The following CTNNA1 variants were observed in gnomAD, a reference collection of about 807,000 sequenced individuals.
CTNNA1 encodes catenin alpha 1.
A neutral mutation model predicts 98.4 loss-of-function variants in CTNNA1; 37 were observed. That is an observed-to-expected ratio of 0.38 (90% CI 0.29 to 0.49). The LOEUF is 0.49. CTNNA1 is among the 20% of genes least tolerant of loss of function. The probability of loss-of-function intolerance (pLI) is 0.95; values close to 1 mark genes in which losing one functional copy is unlikely to be tolerated. For missense variants in CTNNA1, 761 were observed against 1,147.2 expected, an observed-to-expected ratio of 0.66 and a Z score of 4.86; for synonymous variants, 404 against 413.2, an observed-to-expected ratio of 0.98 and a Z score of 0.27.
chr5:138,886,955 A>G (rs1037817489), intron 8 of CTNNA1, among the ~76,000 whole-genome samples: 4 of 152,158 alleles, frequency 2.6e-5, no homozygotes, highest in Admixed American at 6.5e-5. Flanking sequence ...TGTCTGATAT[A>G]AAACAAAATT....
chr5:138,784,279 T>C (rs1755441343), intron 3 of CTNNA1, among the ~76,000 whole-genome samples: 1 of 152,240 alleles, frequency 6.6e-6, no homozygotes. Flanking sequence ...TTTTAGGTTA[T>C]TGGATATCAG....
intron 1 of CTNNA1, among the ~76,000 whole-genome samples, chr5:138,781,021 C>G (rs1417008076): frequency 6.6e-6 from 1 of 152,186 alleles, no homozygotes; most frequent in Non-Finnish European, 1.5e-5. Flanking sequence ...GACACTGATA[C>G]AGTGATATTT....
At chr5:138,806,605 C>T (rs1008870103) in intron 3 of CTNNA1, among the ~76,000 whole-genome samples, 2 of 152,082 alleles carry the variant, frequency 1.3e-5, no homozygotes, top group Admixed American at 1.3e-4. Context: ...ATCCTCTTTA[C>T]TTTGACTTCA....
chr5:138,900,560 A>G (rs111452342), intron 9 of CTNNA1, among the ~76,000 whole-genome samples: 1 of 152,226 alleles, frequency 6.6e-6, no homozygotes, highest in East Asian at 1.9e-4. Context: ...AGAGAAAAAT[A>G]GTCATTATGG....
intron 7 of CTNNA1, 30 bp from the exon 8 acceptor site, chr5:138,886,182 A>G: frequency 6.2e-7 from 1 of 1,603,112 alleles, no homozygotes; most frequent in Non-Finnish European, 8.5e-7. Context: ...GTAAATGAAT[A>G]AAATGCTCAT....
At chr5:138,759,983 T>C (rs1042767467) in intron 1 of CTNNA1, among the ~76,000 whole-genome samples, 2 of 113,766 alleles carry the variant, frequency 1.8e-5, no homozygotes, top group African/African-American at 8.5e-5. Context: ...TTCTTTCCTT[T>C]TTTTTTTTTT....
chr5:138,778,208 A>T (rs190613523), intron 1 of CTNNA1, among the ~76,000 whole-genome samples: 19 of 151,742 alleles, frequency 1.3e-4, no homozygotes, highest in Non-Finnish European at 2.1e-4. Flanking sequence ...GTTGACCAGG[A>T]TGGTTTCGAT....
intron 1 of CTNNA1, among the ~76,000 whole-genome samples, chr5:138,757,317 C>T (rs947341658): frequency 1.3e-5 from 2 of 151,962 alleles, no homozygotes; most frequent in African/African-American, 4.8e-5. Context: ...GTACAGAGTT[C>T]GGTTTGGGAA....
intron 7 of CTNNA1, among the ~76,000 whole-genome samples, chr5:138,877,414 G>T (rs1273930056): frequency 6.6e-6 from 1 of 151,520 alleles, no homozygotes; most frequent in Non-Finnish European, 1.5e-5. Context: ...AAGGACAGTA[G>T]TCTCATAGGA....
intron 3 of CTNNA1, among the ~76,000 whole-genome samples, chr5:138,804,700 G>C (rs1265459653): frequency 6.6e-6 from 1 of 150,488 alleles, no homozygotes; most frequent in Non-Finnish European, 1.5e-5. Flanking sequence ...TAGATGTTTG[G>C]GTTCTTTCTG....
chr5:138,876,598 G>A (rs2149953859), intron 7 of CTNNA1, among the ~76,000 whole-genome samples: 1 of 152,274 alleles, frequency 6.6e-6, no homozygotes, highest in East Asian at 1.9e-4. Context: ...CATATCATTG[G>A]CACTTACCCT....
rs556163896 is a variant in CTNNA1, at chr5:138,805,900, G to T, written c.302-4138G>T. Among the ~76,000 whole-genome samples, 8 of 151,478 alleles carry T rather than the reference G, an allele frequency of 5.3e-5. No individual in the cohort carries two copies. In the South Asian group the frequency reaches 1.7e-3, roughly 32 times the overall value. ...GCACAAAATTTTAAATTTTTTTGAT[G>T]ATGTCAAACTTACCTGTTTTTTGTT... is the stretch of plus-strand genomic sequence containing the variant. On this transcript the variant is annotated intron_variant, in intron 3 of 17. Coordinates refer to ENST00000302763, the MANE Select transcript of CTNNA1 (RefSeq NM_001903.5).
chr5:138,919,830 A>T (rs1762537297), intron 11 of CTNNA1, among the ~76,000 whole-genome samples: 1 of 152,192 alleles, frequency 6.6e-6, no homozygotes. Context: ...GCCTTTCTTC[A>T]TAACTCCTCT....
chr5:138,812,157 GT>G (rs2149736338), intron 4 of CTNNA1, 25 bp from the exon 5 acceptor site: 3 of 1,605,390 alleles, frequency 1.9e-6, no homozygotes, highest in Non-Finnish European at 2.5e-6. Flanking sequence ...GAATTTTTGG[GT>G]TTTGGGGTCT....
chr5:138,775,171 T>C (rs1051711511), intron 1 of CTNNA1, among the ~76,000 whole-genome samples: 1 of 152,190 alleles, frequency 6.6e-6, no homozygotes, highest in Non-Finnish European at 1.5e-5. Context: ...AGGTTCTGTG[T>C]TTTGTTTGTG....
At chr5:138,823,392 T>C (rs1304146252) in intron 5 of CTNNA1, among the ~76,000 whole-genome samples, 1 of 152,220 alleles carries the variant, frequency 6.6e-6, no homozygotes, top group Non-Finnish European at 1.5e-5. Context: ...AAAAAAGTAG[T>C]TTAAGACCGT....
chr5:138,932,130 G>C (rs1358405644), intron 16 of CTNNA1: 1 of 990,004 alleles, frequency 1.0e-6, no homozygotes, highest in Non-Finnish European at 1.2e-6. Context: ...GTGCCTCAGA[G>C]CAGAAGAGTT....
chr5:138,928,201 G>C (rs1172207409), intron 13 of CTNNA1, among the ~76,000 whole-genome samples: 1 of 152,202 alleles, frequency 6.6e-6, no homozygotes, highest in Non-Finnish European at 1.5e-5. Context: ...AACCCCAGCT[G>C]TTCTGCCTGC....
intron 7 of CTNNA1, among the ~76,000 whole-genome samples, chr5:138,879,193 A>AAG (rs1554095860): frequency 3.3e-5 from 5 of 151,348 alleles, no homozygotes; most frequent in African/African-American, 1.2e-4. Flanking sequence ...AAAAAAAAAA[A>AAG]AAAGCCATTT....
Sources: gnomAD v4.1 joint callset for allele counts (sites outside exome capture counted in the v4.1 genomes callset) on GRCh38, gnomAD v4.1.1 for gene constraint, MANE v1.5 for transcripts, NCBI Gene and HGNC (gene_info 2026-07-23, HGNC 2026-07-21) for gene names.